Variants in MAN2A2 observed in about 807,000 individuals in gnomAD.
MAN2A2 encodes mannosidase alpha class 2A member 2, also known as alpha-mannosidase 2x.
A neutral mutation model predicts 126.8 loss-of-function variants in MAN2A2; 79 were observed. That is an observed-to-expected ratio of 0.62 (90% CI 0.52 to 0.75). MAN2A2 has a LOEUF of 0.75. MAN2A2 is among the 30% of genes least tolerant of loss of function. The pLI, the probability that MAN2A2 is intolerant of heterozygous loss-of-function variation, is 0.00. For missense variants in MAN2A2, 1,392 were observed against 1,522.4 expected (o/e 0.91, Z 1.43); for synonymous variants, 671 against 618.7 (o/e 1.08, Z -1.25).
At chr15:90,911,777 C>A in intron 14 of MAN2A2, 1 of 606,798 alleles carries the variant, frequency 1.6e-6, no homozygotes, top group Non-Finnish European at 2.9e-6. Flanking sequence ...GTAAAAATAG[C>A]AGTTATAATG....
intron 9 of MAN2A2, 78 bp from the exon 10 acceptor site, chr15:90,910,012 C>A: frequency 7.6e-7 from 1 of 1,323,468 alleles, no homozygotes; most frequent in Non-Finnish European, 1.0e-6. Context: ...CCCTGCCTCA[C>A]CCCCAACTGC....
chr15:90,909,199 CTGTT>C, intron 8 of MAN2A2, 124 bp from the exon 9 acceptor site: 2 of 807,118 alleles, frequency 2.5e-6, no homozygotes, highest in Non-Finnish European at 3.8e-6. Flanking sequence ...CAGGAGGTGT[CTGTT>C]TGCGCTGAAC....
In MAN2A2 at chr15:90,905,276, G is replaced by T. The variant is rs532667606; in HGVS notation, c.158G>T (p.Arg53Leu). 2.5e-6 allele frequency: 4 copies of T among 1,613,152 alleles called. No individual in the cohort carries two copies. The highest frequency in any genetic ancestry group is 3.4e-6 in the Non-Finnish European group (4 of 1,180,034). The change falls in exon 3 of 23, where the codon CGC becomes CTC. Residue 53 changes from arginine (R) to leucine (L), a missense_variant. Physicochemically the swap from Arg to Leu is moderately radical, Grantham distance 102. Coordinates refer to ENST00000559717, the MANE Select transcript of MAN2A2 (RefSeq NM_006122.4). ...PRSQISVLQNRIEQLEQLLEE... is the reference protein window; with the variant it reads ...PRSQISVLQNLIEQLEQLLEE... ...AGCCAAATTTCTGTGCTGCAGAACC[G>T]CATTGAGCAGCTGGAGCAGCTTTTG...
At chr15:90,919,157 A>G (rs560833234) in intron 22 of MAN2A2, among the ~76,000 whole-genome samples, 23 of 152,372 alleles carry the variant, frequency 1.5e-4, no homozygotes, top group African/African-American at 5.5e-4. Context: ...CTCACAGCTC[A>G]GTGGAACGGT....
intron 21 of MAN2A2, 72 bp downstream of exon 21, chr15:90,918,460 T>C: frequency 7.3e-6 from 11 of 1,499,178 alleles, no homozygotes; most frequent in Non-Finnish European, 9.2e-6. Flanking sequence ...GCTCCTTCCT[T>C]AGCCTCCAGG....
chr15:90,913,265 G>A lies in MAN2A2; in HGVS notation c.2585-8G>A. The A allele has an allele frequency of 6.2e-7, 1 of 1,613,480 alleles. No homozygotes were observed. On this transcript the variant is annotated splice_region_variant and splice_polypyrimidine_tract_variant and intron_variant, in intron 17 of 22. Coordinates refer to ENST00000559717, the MANE Select transcript of MAN2A2 (RefSeq NM_006122.4). ...CTGTCCATGCCCCCACTTTGTTCCTGTACCCAGGGGTGGAGGGGCTGTCTC... is the reference window on the plus strand; with the variant it reads ...CTGTCCATGCCCCCACTTTGTTCCTATACCCAGGGGTGGAGGGGCTGTCTC...
intron 19 of MAN2A2, among the ~76,000 whole-genome samples, chr15:90,914,003 G>A (rs758119233): frequency 9.9e-5 from 15 of 152,152 alleles, no homozygotes; most frequent in Middle Eastern, 3.2e-3. Flanking sequence ...CTGAAGAACC[G>A]TCAGGGTTAC....
In MAN2A2 at chr15:90,913,746, C is replaced by G. The variant is rs1386613444; in HGVS notation, c.2851C>G (p.Leu951Val). ...TGCCCAGGCCCTGGGTGTCTCTAGC[C>G]TCAAAGATGGTGAGTAGGGCCCAGG... is the stretch of plus-strand genomic sequence containing the variant. Reference protein sequence around the residue: ...HTAQALGVSSLKDGQLEVILD... With the variant: ...HTAQALGVSSVKDGQLEVILD... Residue 951 changes from leucine (L) to valine (V), a missense_variant, in exon 19 of 23, where the codon CTC becomes GTC. Transcript: ENST00000559717. 1.3e-6 allele frequency: 2 copies of G among 1,594,404 alleles called. No homozygotes were observed. The highest frequency in any genetic ancestry group is 2.7e-5 in the African/African-American group (2 of 74,566).
Position 90,911,433 on chromosome 15 carries a change from G to T in MAN2A2, c.1992G>T (p.Val664=). The change falls in exon 14 of 23, where the codon GTG becomes GTT. Residue 664 remains valine, a synonymous_variant. Transcript: ENST00000559717. ...NPLEQERFSM[V]SLLVNSPRVR... ...TGGAACAGGAGCGATTCAGCATGGT[G>T]TCCCTGCTGGTCAACTCTCCCCGCG... 1 of 1,614,244 alleles carries T rather than the reference G, an allele frequency of 6.2e-7. No individual in the cohort carries two copies. Among genetic ancestry groups the T allele is most frequent in the Admixed American group, 1.7e-5 (1 of 60,026 alleles).
In MAN2A2 at chr15:90,905,867, G is replaced by A; in HGVS notation, c.558G>A (p.Lys186=). The change falls in exon 5 of 23, where the codon AAG becomes AAA. Residue 186 remains lysine (K), a synonymous_variant. Transcript: ENST00000559717. ...NDPGWIKTFD[K]YYTEQTQHIL... ...TAGGCTGGATCAAGACCTTTGACAA[G>A]TACTACACAGAGCAGACCCAACACA... The A allele has an allele frequency of 1.3e-6, 2 of 1,580,556 alleles. No individual in the cohort carries two copies. The highest frequency in any genetic ancestry group is 1.7e-6 in the Non-Finnish European group (2 of 1,163,052).
intron 20 of MAN2A2, 78 bp from the exon 21 acceptor site, chr15:90,918,116 G>C: frequency 7.4e-7 from 1 of 1,358,414 alleles, no homozygotes; most frequent in East Asian, 2.3e-5. Context: ...ACTGACCTGG[G>C]TGTGCTTTTA....
chr15:90,913,560 C>A (rs574225393), intron 18 of MAN2A2, 54 bp from the exon 19 acceptor site: 2 of 1,580,572 alleles, frequency 1.3e-6, no homozygotes, highest in Admixed American at 1.8e-5. Context: ...CTGGGGACCG[C>A]TTGGGCCCAC....
In MAN2A2 at chr15:90,905,392, T is replaced by C; in HGVS notation, c.274T>C (p.Tyr92His). 6 of 1,613,984 alleles carry C rather than the reference T, an allele frequency of 3.7e-6. No individual in the cohort carries two copies. Among genetic ancestry groups the C allele is most frequent in the Non-Finnish European group, 4.2e-6 (5 of 1,180,030 alleles). ...GGGCCCGCCCGCCATGCTGCCCTAC[T>C]ACACGGTCAATGGCTCCTGGGTGGT... ...AEGPPAMLPY[Y>H]TVNGSWVVPP... Residue 92 changes from tyrosine (Y) to histidine (H), a missense_variant, in exon 3 of 23, where the codon TAC (tyrosine) becomes CAC (histidine). Transcript: ENST00000559717.
rs781221468 is a variant in MAN2A2, at chr15:90,913,241, TG to T, written c.2585-31del. The stretch of plus-strand genomic sequence containing the variant: ...CTTAGCTGTGCTTCAGCCTCACACC[TG>T]TCCATGCCCCCACTTTGTTCCTGTA... On this transcript the variant is annotated intron_variant, in intron 17 of 22. Coordinates refer to ENST00000559717, the MANE Select transcript of MAN2A2 (RefSeq NM_006122.4). 3.1e-5 allele frequency: 50 copies of T among 1,610,504 alleles called. No individual in the cohort carries two copies. In the African/African-American group the frequency reaches 6.4e-4, roughly 21 times the overall value.
At chr15:90,913,029 G>A in intron 17 of MAN2A2, 38 bp downstream of exon 17, 1 of 1,540,906 alleles carries the variant, frequency 6.5e-7, no homozygotes, top group Non-Finnish European at 9.0e-7. Flanking sequence ...GGAAGGAGGT[G>A]TGGGCTCCAC....
At chr15:90,906,551 A>G in intron 6 of MAN2A2, 54 bp downstream of exon 6, 1 of 1,612,852 alleles carries the variant, frequency 6.2e-7, no homozygotes, top group South Asian at 1.1e-5. Flanking sequence ...AGGCACAGGC[A>G]GGGGCTGTAA....
At chr15:90,906,716 C>T (rs1254703790) in intron 6 of MAN2A2, 24 bp from the exon 7 acceptor site, 1 of 1,607,956 alleles carries the variant, frequency 6.2e-7, no homozygotes, top group Non-Finnish European at 8.5e-7. Flanking sequence ...TTCAGGGCCT[C>T]TCTGGCTTCC....
rs374571101 is a variant in MAN2A2, at chr15:90,913,609, C to A, written c.2719-5C>A. On this transcript the variant is annotated splice_polypyrimidine_tract_variant and splice_region_variant and intron_variant, in intron 18 of 22. Transcript: ENST00000559717. ...GCCCTTGATCTGCTGGCCTTGCCCC[C>A]ACAGGTGCAGCCCCGACGGTATCTG... The A allele has an allele frequency of 6.2e-7, 1 of 1,608,178 alleles. No individual in the cohort carries two copies. Among genetic ancestry groups the A allele is most frequent in the Non-Finnish European group, 8.5e-7 (1 of 1,177,764 alleles).
chr15:90,904,371 A>T, intron 2 of MAN2A2, 32 bp downstream of exon 2: 1 of 1,605,428 alleles, frequency 6.2e-7, no homozygotes, highest in Non-Finnish European at 8.5e-7. Context: ...ATTTCTTTGT[A>T]TACAAGTCAC....
Sources: gnomAD v4.1 joint callset for allele counts (sites outside exome capture counted in the v4.1 genomes callset) on GRCh38, gnomAD v4.1.1 for gene constraint, MANE v1.5 for transcripts, NCBI Gene and HGNC (gene_info 2026-07-23, HGNC 2026-07-21) for gene names.